ATP6V1C2: variants seen among roughly 807,000 people sequenced by gnomAD.
ATP6V1C2 encodes the protein ATPase H+ transporting V1 subunit C2, also known as V-type proton ATPase subunit C 2.
ATP6V1C2 carries 45 observed loss-of-function variants against 56.8 expected under a neutral mutation model. That is an observed-to-expected ratio of 0.79 (90% CI 0.62 to 1.02). The LOEUF (loss-of-function observed/expected upper bound fraction) is 1.02, where lower values mean the gene tolerates loss of function less well. ATP6V1C2 is among the 50% of genes least tolerant of loss of function. The pLI is 0.00. For synonymous variants in ATP6V1C2, 220 were observed against 201.3 expected (o/e 1.09, Z -0.79); for missense variants, 463 against 519.7 (o/e 0.89, Z 1.06).
intron 3 of ATP6V1C2, 45 bp downstream of exon 3, chr2:10,726,614 T>G (rs1217561997): frequency 6.6e-7 from 1 of 1,525,858 alleles, no homozygotes; most frequent in Non-Finnish European, 9.1e-7. Context: ...AATTTGACAT[T>G]GTTGTCAGAG....
At chr2:10,745,195 C>T (rs1572535966) in intron 3 of ATP6V1C2, among the ~76,000 whole-genome samples, 1 of 148,448 alleles carries the variant, frequency 6.7e-6, no homozygotes, top group South Asian at 2.1e-4. Flanking sequence ...GCCACCACAC[C>T]CAGCTAATTT....
chr2:10,761,448 C>T (rs1324516828), intron 4 of ATP6V1C2, among the ~76,000 whole-genome samples: 2 of 152,122 alleles, frequency 1.3e-5, no homozygotes, highest in Admixed American at 1.3e-4. Context: ...TCTGACCACT[C>T]CCTGCTCTTA....
At chr2:10,735,794 C>T (rs1242503505) in intron 3 of ATP6V1C2, among the ~76,000 whole-genome samples, 1 of 151,328 alleles carries the variant, frequency 6.6e-6, no homozygotes, top group Admixed American at 6.6e-5. Flanking sequence ...CTTTATGTTG[C>T]CCAGGCTGGT....
At position 10,763,106 on chromosome 2, in the gene ATP6V1C2, T is replaced by G. The variant is rs1022146286; in HGVS notation, c.284-1225T>G. Among the ~76,000 whole-genome samples the G allele has an allele frequency of 1.3e-5, 2 of 152,068 alleles. No individual in the cohort carries two copies. Among genetic ancestry groups the G allele is most frequent in the African/African-American group, 2.4e-5 (1 of 41,384 alleles). Reference sequence around the variant, plus strand: ...GATCTAGTGTTGTTTTGGCACGTGGTGAAGTGCAGACATGACCCTTGGTGA... The same window carrying G: ...GATCTAGTGTTGTTTTGGCACGTGGGGAAGTGCAGACATGACCCTTGGTGA... On this transcript the variant is annotated intron_variant, in intron 4 of 13. Coordinates refer to ENST00000272238, the MANE Select transcript of ATP6V1C2 (RefSeq NM_001039362.2). This position sits in a 1 kb window ranked among gnomAD's most constrained non-coding sequence, Gnocchi z 4.2.
At position 10,782,329 on chromosome 2, in the gene ATP6V1C2, C is replaced by CT. The variant is rs761025259; in HGVS notation, c.1149dup (p.Val384CysfsTer7). 1 of 1,614,226 alleles carries CT rather than the reference C, an allele frequency of 6.2e-7. No homozygotes were observed. Among genetic ancestry groups the CT allele is most frequent in the Non-Finnish European group, 8.5e-7 (1 of 1,180,048 alleles). Reference sequence around the variant, plus strand: ...AAGCGTTTAAGAGAGGTTCTAAACTCTGTCTTCCGACATCTGGATGAAGTA... The same window carrying CT: ...AAGCGTTTAAGAGAGGTTCTAAACTCTTGTCTTCCGACATCTGGATGAAGTA... On this transcript the variant is annotated frameshift_variant, in exon 13 of 14. Coordinates refer to ENST00000272238, the MANE Select transcript of ATP6V1C2 (RefSeq NM_001039362.2). LOFTEE classifies it high-confidence loss of function.
At chr2:10,776,870 G>T (rs1033640733) in intron 10 of ATP6V1C2, among the ~76,000 whole-genome samples, 1 of 152,208 alleles carries the variant, frequency 6.6e-6, no homozygotes, top group African/African-American at 2.4e-5. Context: ...ACACCACCCT[G>T]GGGGCCCTGC....
chr2:10,743,706 C>T (rs949151758), intron 3 of ATP6V1C2, among the ~76,000 whole-genome samples: 21 of 151,170 alleles, frequency 1.4e-4, no homozygotes, highest in African/African-American at 4.9e-4. Context: ...TAAATTAGAC[C>T]GGGCGAGGTG....
intron 5 of ATP6V1C2, among the ~76,000 whole-genome samples, chr2:10,765,383 C>T (rs541895517): frequency 6.6e-6 from 1 of 152,378 alleles, no homozygotes; most frequent in South Asian, 2.1e-4. Flanking sequence ...CCACAAAACA[C>T]TGAGCCCCTA....
chr2:10,784,225 A>G lies in ATP6V1C2; in HGVS notation c.*962A>G. 1 of 1,572,206 alleles carries G rather than the reference A, an allele frequency of 6.4e-7. No individual in the cohort carries two copies. Among genetic ancestry groups the G allele is most frequent in the Non-Finnish European group, 8.7e-7 (1 of 1,150,808 alleles). ...TGGAAAAATCCACTGGCTCCCAAGA[A>G]AAGAAAATGGTCTGAAGCCTCTGTT... On this transcript the variant is annotated 3_prime_UTR_variant, in exon 14 of 14. Transcript: ENST00000272238.
In ATP6V1C2 at chr2:10,785,092, T is replaced by C. The variant is rs934668496; in HGVS notation, c.*1829T>C. ...ACAATGGACTGCTGGTGCAGAAGAATAAACAACTTTAAAAATAACAGTCTG... is the reference window on the plus strand; with the variant it reads ...ACAATGGACTGCTGGTGCAGAAGAACAAACAACTTTAAAAATAACAGTCTG... On this transcript the variant is annotated 3_prime_UTR_variant, in exon 14 of 14. Transcript: ENST00000272238. The C allele has an allele frequency of 2.1e-5, 24 of 1,116,678 alleles. No homozygotes were observed. The highest frequency in any genetic ancestry group is 3.2e-5 in the Non-Finnish European group (24 of 752,888). 69.2% of individuals were successfully genotyped at this position (1,116,678 alleles called of 1,614,324 possible). A position where few individuals can be genotyped will look rare whatever the true frequency, so the allele number is the denominator to read the frequency against.
At chr2:10,754,557 CTTTTCTTTTCTTT>C (rs1663413033) in intron 4 of ATP6V1C2, among the ~76,000 whole-genome samples, 1 of 704 alleles carries the variant, frequency 1.4e-3, no homozygotes, top group Non-Finnish European at 5.5e-3. Flanking sequence ...CTTTTCTTTT[CTTTTCTTTTCTTT>C]TCTTTTCTTT....
At chr2:10,771,768 G>A in intron 6 of ATP6V1C2, 71 bp from the exon 7 acceptor site, 1 of 1,217,622 alleles carries the variant, frequency 8.2e-7, no homozygotes, top group Non-Finnish European at 1.2e-6. Context: ...GCCCGGGTGT[G>A]GGTGTGTGTG....
rs756006856 is a variant in ATP6V1C2 at position 10,784,781 on chromosome 2, G to A, written c.*1518G>A. On this transcript the variant is annotated 3_prime_UTR_variant, in exon 14 of 14. Transcript: ENST00000272238. ...CACTTAAACTTGTGATAAGGAAGATGAAGGGTCTTCAGAGAAGAACCTCTT... is the reference window on the plus strand; with the variant it reads ...CACTTAAACTTGTGATAAGGAAGATAAAGGGTCTTCAGAGAAGAACCTCTT... 1.8e-5 allele frequency: 11 copies of A among 598,704 alleles called. No homozygotes were observed. The highest frequency in any genetic ancestry group is 3.3e-5 in the Non-Finnish European group (11 of 335,872). 37.1% of individuals were successfully genotyped at this position (598,704 alleles called of 1,614,324 possible).
chr2:10,742,213 T>A (rs1662592412), intron 3 of ATP6V1C2, among the ~76,000 whole-genome samples: 1 of 152,156 alleles, frequency 6.6e-6, no homozygotes. Context: ...CTGGCCTTTC[T>A]GGGTAATTTC....
intron 3 of ATP6V1C2, among the ~76,000 whole-genome samples, chr2:10,746,470 G>A (rs985293876): frequency 6.1e-5 from 9 of 148,486 alleles, no homozygotes; most frequent in African/African-American, 2.2e-4. Context: ...TGGAATGCAG[G>A]GGCCCAATCT....
Position 10,780,385 on chromosome 2 carries a change from C to T in ATP6V1C2, c.1061+1716C>T, listed in dbSNP as rs1363703377. Among the ~76,000 whole-genome samples the T allele has an allele frequency of 6.6e-6, 1 of 152,218 alleles. No homozygotes were observed. The highest frequency in any genetic ancestry group is 6.5e-5 in the Admixed American group (1 of 15,278). Reference sequence around the variant, plus strand: ...TAAGCCTCCTCTCTGTTCTTGGCCTCCAATTCCCCTTCCATGTGGCTGTCA... The same window carrying T: ...TAAGCCTCCTCTCTGTTCTTGGCCTTCAATTCCCCTTCCATGTGGCTGTCA... On this transcript the variant is annotated intron_variant, in intron 12 of 13. Coordinates refer to ENST00000272238, the MANE Select transcript of ATP6V1C2 (RefSeq NM_001039362.2). This position sits in a 1 kb window ranked among gnomAD's most constrained non-coding sequence, Gnocchi z 4.1.
rs113079147 is a variant in ATP6V1C2, at chr2:10,778,486, G to A, written c.964-86G>A. 193 of 1,243,760 alleles carry A rather than the reference G, an allele frequency of 1.6e-4. No homozygotes were observed. In the African/African-American group the frequency reaches 1.8e-3, roughly 11 times the overall value. The allele number at this position is 1,243,760 out of a possible 1,614,324, so 77.0% of individuals were successfully genotyped here. On this transcript the variant is annotated intron_variant, in intron 11 of 13. Transcript: ENST00000272238. ...TGGGCACTTCTTCTCAGCTCAGGGC[G>A]TGCTCTGTCAAAACCCAAGTCCTTT...
intron 3 of ATP6V1C2, among the ~76,000 whole-genome samples, chr2:10,733,149 G>A (rs1011444159): frequency 6.6e-6 from 1 of 152,120 alleles, no homozygotes; most frequent in Non-Finnish European, 1.5e-5. Flanking sequence ...ATTCTTAAGA[G>A]CCTTCCTATC....
chr2:10,758,330 T>A (rs1663673634), intron 4 of ATP6V1C2, among the ~76,000 whole-genome samples: 1 of 152,216 alleles, frequency 6.6e-6, no homozygotes, highest in South Asian at 2.1e-4. Flanking sequence ...CCAGTCCCGA[T>A]GGTAGCAGCA....
Sources: gnomAD v4.1 joint callset for allele counts (sites outside exome capture counted in the v4.1 genomes callset) on GRCh38, gnomAD v4.1.1 for gene constraint, Gnocchi (gnomAD v3.1) non-coding constraint, MANE v1.5 for transcripts, NCBI Gene and HGNC (gene_info 2026-07-23, HGNC 2026-07-21) for gene names.